The following KIRREL1 variants were observed in gnomAD, a reference collection of about 807,000 sequenced individuals.
KIRREL1 encodes kirre like nephrin family adhesion molecule 1.
KIRREL1 carries 25 observed loss-of-function variants against 83.3 expected under a neutral mutation model. The ratio of observed to expected loss-of-function variants is 0.30; its 90% CI spans 0.22 to 0.42. The LOEUF is 0.42. KIRREL1 is among the 10% of genes least tolerant of loss of function. The pLI, the probability that KIRREL1 is intolerant of heterozygous loss-of-function variation, is 1.00. For synonymous variants in KIRREL1, 388 were observed against 410.4 expected, an observed-to-expected ratio of 0.95 and a Z score of 0.66; for missense variants, 812 against 1,032.3, an observed-to-expected ratio of 0.79 and a Z score of 2.92.
intron 1 of KIRREL1, among the ~76,000 whole-genome samples, chr1:158,053,259 G>T (rs1301290405): frequency 6.6e-6 from 1 of 152,196 alleles, no homozygotes; most frequent in East Asian, 1.9e-4. Context: ...TACAGCACCT[G>T]ACACACAGTA....
At chr1:158,076,002 C>T (rs374948849) in intron 1 of KIRREL1, 111 bp from the exon 2 acceptor site, 3 of 1,003,650 alleles carry the variant, frequency 3.0e-6, no homozygotes, top group Non-Finnish European at 4.3e-6. Context: ...ACCGGAGAGT[C>T]CCCATCCCCA....
chr1:158,088,136 A>T lies in KIRREL1; in HGVS notation c.898A>T (p.Thr300Ser). ...HNKVGSTNVS[T>S]LVNVHFAPRI... ...CAAAGTGGGAAGCACCAATGTCAGC[A>T]CTTTAGTAAATGTCCACTGTGAGTA... The change falls in exon 7 of 15, where the codon ACT becomes TCT. Residue 300 changes from threonine to serine, a missense_variant. Coordinates refer to ENST00000359209, the MANE Select transcript of KIRREL1 (RefSeq NM_018240.7). 6.2e-7 allele frequency: 1 copy of T among 1,614,194 alleles called. No individual in the cohort carries two copies. The highest frequency in any genetic ancestry group is 8.5e-7 in the Non-Finnish European group (1 of 1,180,032).
intron 1 of KIRREL1, among the ~76,000 whole-genome samples, chr1:158,005,700 G>T (rs1024185553): frequency 2.6e-5 from 4 of 152,158 alleles, no homozygotes; most frequent in African/African-American, 7.2e-5. Flanking sequence ...GGGAAGGAAG[G>T]TAGGTCATAG....
intron 1 of KIRREL1, among the ~76,000 whole-genome samples, chr1:158,054,383 T>C (rs932455501): frequency 3.3e-5 from 5 of 152,066 alleles, no homozygotes; most frequent in African/African-American, 1.2e-4. Context: ...CCTGTGGATA[T>C]TTATGGAACC....
chr1:158,095,106 C>T lies in KIRREL1; in HGVS notation c.2260C>T (p.Gln754Ter), dbSNP rs768774937. Residue 754 changes from glutamine to a stop codon, truncating the protein, a stop_gained, in exon 15 of 15, where the codon CAG (glutamine) becomes TAG (stop). Transcript: ENST00000359209. LOFTEE classifies it high-confidence loss of function. Reference protein sequence around the residue: ...DYGQRFQQRMQTHV With the variant: ...DYGQRFQQRM ...CGGCCAGCGATTCCAGCAGCGCATG[C>T]AGACTCACGTGTAGGGGCCAGAGCC... 6.3e-7 allele frequency: 1 copy of T among 1,599,010 alleles called. No homozygotes were observed. The highest frequency in any genetic ancestry group is 2.2e-5 in the East Asian group (1 of 44,618).
At chr1:158,019,736 G>A (rs1021901459) in intron 1 of KIRREL1, among the ~76,000 whole-genome samples, 1 of 152,176 alleles carries the variant, frequency 6.6e-6, no homozygotes, top group Non-Finnish European at 1.5e-5. Context: ...TAACCGCAGA[G>A]CAAGAGAAAG....
Position 158,095,195 on chromosome 1 carries a change from G to T in KIRREL1, c.*75G>T. The T allele has an allele frequency of 9.3e-7, 1 of 1,075,542 alleles. No homozygotes were observed. The highest frequency in any genetic ancestry group is 1.3e-6 in the Non-Finnish European group (1 of 751,306). The allele number at this position is 1,075,542 out of a possible 1,614,324, so 66.6% of individuals were successfully genotyped here. ...CACAGCTGTTCCCTGATATTCAGGGGCATTGCTCATTGCTCCCTTCTCGGA... is the reference window on the plus strand; with the variant it reads ...CACAGCTGTTCCCTGATATTCAGGGTCATTGCTCATTGCTCCCTTCTCGGA... On this transcript the variant is annotated 3_prime_UTR_variant, in exon 15 of 15. Coordinates refer to ENST00000359209, the MANE Select transcript of KIRREL1 (RefSeq NM_018240.7).
intron 1 of KIRREL1, among the ~76,000 whole-genome samples, chr1:158,050,543 G>C (rs1025949041): frequency 6.6e-6 from 1 of 152,096 alleles, no homozygotes; most frequent in Admixed American, 6.5e-5. Context: ...TGTGGGATGG[G>C]GGAATTAGAA....
At chr1:158,000,219 C>A (rs1325560300) in intron 1 of KIRREL1, among the ~76,000 whole-genome samples, 1 of 152,184 alleles carries the variant, frequency 6.6e-6, no homozygotes, top group Non-Finnish European at 1.5e-5. Context: ...ATACATGCAC[C>A]CACTTCTTAT....
Position 158,096,252 on chromosome 1 carries a change from A to G in KIRREL1, c.*1132A>G, listed in dbSNP as rs3768538. 0.51 allele frequency: 127,386 copies of G among 250,854 alleles called. 33,963 individuals are homozygous for G. Among genetic ancestry groups the G allele is most frequent in the East Asian group, 0.7 (6,875 of 9,884 alleles). The allele number at this position is 250,854 out of a possible 1,614,324, so 15.5% of individuals were successfully genotyped here. A position where few individuals can be genotyped will look rare whatever the true frequency, so the allele number is the denominator to read the frequency against. ...GGTTGCCAGACCTGTCACACAGTGG[A>G]CTCTGATAGGGTTACGGAGGGGGCC... On this transcript the variant is annotated 3_prime_UTR_variant, in exon 15 of 15. Coordinates refer to ENST00000359209, the MANE Select transcript of KIRREL1 (RefSeq NM_018240.7).
In KIRREL1 at chr1:158,004,002, G is replaced by A. The variant is rs147124276; in HGVS notation, c.52+10274G>A. 5.4e-3 allele frequency among the ~76,000 whole-genome samples: 822 copies of A among 152,208 alleles called. 1 individual carries two copies. The highest frequency in any genetic ancestry group is 8.6e-3 in the Non-Finnish European group (583 of 68,002). ...AGACTGGCCTTTTTCAACACAACCC[G>A]GTTCCTGGAATTGGGAAGCACCTAG... is the stretch of plus-strand genomic sequence containing the variant. On this transcript the variant is annotated intron_variant, in intron 1 of 14. Transcript: ENST00000359209.
At chr1:158,039,459 G>A (rs947337004) in intron 1 of KIRREL1, among the ~76,000 whole-genome samples, 1 of 152,144 alleles carries the variant, frequency 6.6e-6, no homozygotes, top group Non-Finnish European at 1.5e-5. Flanking sequence ...GTATTGGCTC[G>A]AGTCTCAAGC....
chr1:158,049,955 C>T (rs1404438730), intron 1 of KIRREL1, among the ~76,000 whole-genome samples: 1 of 152,084 alleles, frequency 6.6e-6, no homozygotes, highest in Non-Finnish European at 1.5e-5. Context: ...AGCCAGAATC[C>T]ACAAGTTTTG....
At chr1:158,048,046 C>G (rs1446565891) in intron 1 of KIRREL1, among the ~76,000 whole-genome samples, 2 of 152,168 alleles carry the variant, frequency 1.3e-5, no homozygotes, top group Non-Finnish European at 2.9e-5. Flanking sequence ...GATCTTACAT[C>G]ACATTCTCTT....
chr1:158,000,750 C>A (rs1659338414), intron 1 of KIRREL1, among the ~76,000 whole-genome samples: 1 of 152,308 alleles, frequency 6.6e-6, no homozygotes, highest in African/African-American at 2.4e-5. Flanking sequence ...GGGCTGCAGT[C>A]CTCATCCCTC....
intron 1 of KIRREL1, among the ~76,000 whole-genome samples, chr1:158,043,797 G>T (rs1382239120): frequency 6.6e-6 from 1 of 152,182 alleles, no homozygotes. Context: ...CTGTGCCATG[G>T]CAGGGAGCCG....
intron 1 of KIRREL1, among the ~76,000 whole-genome samples, chr1:158,049,611 A>G (rs1347085439): frequency 6.6e-6 from 1 of 152,156 alleles, no homozygotes; most frequent in Non-Finnish European, 1.5e-5. Flanking sequence ...CAGAAAGATC[A>G]TTCTGGCAAC....
At position 158,091,650 on chromosome 1, in the gene KIRREL1, TC is replaced by T. The variant is rs534029520; in HGVS notation, c.1471+97del. The stretch of plus-strand genomic sequence containing the variant: ...AGGGGCAGGGCTCAGCTGCTCCCCT[TC>T]CCTTGGGCTCTGCTCTGAGGGAGGG... On this transcript the variant is annotated intron_variant, in intron 11 of 14. Coordinates refer to ENST00000359209, the MANE Select transcript of KIRREL1 (RefSeq NM_018240.7). 3,225 of 1,183,962 alleles carry T rather than the reference TC, an allele frequency of 2.7e-3. 11 individuals are homozygous for T. The highest frequency in any genetic ancestry group is 3.6e-3 in the Non-Finnish European group (2,975 of 815,820). The allele number at this position is 1,183,962 out of a possible 1,614,324, so 73.3% of individuals were successfully genotyped here.
In KIRREL1 at chr1:158,040,968, A is replaced by T. The variant is rs11264880; in HGVS notation, c.53-35145A>T. Among the ~76,000 whole-genome samples, 597 of 151,994 alleles carry T rather than the reference A, an allele frequency of 3.9e-3. 4 individuals carry two copies. Among genetic ancestry groups the T allele is most frequent in the South Asian group, 0.015 (73 of 4,818 alleles). ...TTAGGATAACTCTAGGGGTAGGGGG[A>T]GCTGGGCATGTGTGGAAGTAGGAAT... On this transcript the variant is annotated intron_variant, in intron 1 of 14. Coordinates refer to ENST00000359209, the MANE Select transcript of KIRREL1 (RefSeq NM_018240.7).
Sources: allele counts gnomAD v4.1 joint callset (sites outside exome capture counted in the v4.1 genomes callset), GRCh38; gene constraint gnomAD v4.1.1; transcripts MANE v1.5; gene names NCBI Gene and HGNC (gene_info 2026-07-23, HGNC 2026-07-21).